DPAGT1: variants seen among roughly 807,000 people sequenced by gnomAD.
The protein encoded by DPAGT1 is UDP-N-acetylglucosamine--dolichyl-phosphate N-acetylglucosaminephosphotransferase.
A neutral mutation model predicts 39.3 loss-of-function variants in DPAGT1; 25 were observed. The ratio of observed to expected loss-of-function variants is 0.64; its 90% CI spans 0.46 to 0.89. The LOEUF (loss-of-function observed/expected upper bound fraction) is 0.89, where lower values mean the gene tolerates loss of function less well. Among genes scored for constraint, DPAGT1 ranks in the 40% least tolerant of loss-of-function variants. The pLI, the probability that DPAGT1 is intolerant of heterozygous loss-of-function variation, is 0.00. For synonymous variants in DPAGT1, 193 were observed against 201.4 expected, an observed-to-expected ratio of 0.96 and a Z score of 0.36; for missense variants, 381 against 500.6, an observed-to-expected ratio of 0.76 and a Z score of 2.28.
intron 5 of DPAGT1, 63 bp downstream of exon 5, chr11:119,098,340 A>C: frequency 6.5e-7 from 1 of 1,550,102 alleles, no homozygotes; most frequent in Non-Finnish European, 8.9e-7. Flanking sequence ...AAGGTGGGTT[A>C]TGATAAGGGC....
chr11:119,095,673 G>T (rs1230243934), downstream of DPAGT1, among the ~76,000 whole-genome samples: 1 of 152,166 alleles, frequency 6.6e-6, no homozygotes, highest in Non-Finnish European at 1.5e-5. Context: ...GGGGTAGCAC[G>T]CAGACTGCCA....
rs3831390 is a variant in DPAGT1 at position 119,098,249 on chromosome 11, TAG to T, written c.728+152_728+153del. 0.34 allele frequency: 368,106 copies of T among 1,097,398 alleles called. 66,361 individuals carry two copies. The highest frequency in any genetic ancestry group is 0.47 in the East Asian group (19,926 of 42,328). 68.0% of individuals were successfully genotyped at this position (1,097,398 alleles called of 1,614,324 possible). On this transcript the variant is annotated intron_variant, in intron 5 of 8. Transcript: ENST00000354202. ...GCACTCATCCCTAACTACTACTGGG[TAG>T]AGAGAAATTTCAGAATACGACCAAC...
chr11:119,095,985 C>T (rs186004456), downstream of DPAGT1, among the ~76,000 whole-genome samples: 4 of 151,936 alleles, frequency 2.6e-5, no homozygotes, highest in South Asian at 2.1e-4. Flanking sequence ...TTTAATAGAC[C>T]GGGTGTCACT....
rs1207751920 is a variant in DPAGT1 at position 119,098,032 on chromosome 11, C to T, written c.740G>A (p.Arg247Gln). The T allele has an allele frequency of 4.3e-6, 7 of 1,614,086 alleles. No individual in the cohort carries two copies. The highest frequency in any genetic ancestry group is 1.7e-5 in the Admixed American group (1 of 60,016). Residue 247 changes from arginine to glutamine, a missense_variant, in exon 6 of 9, where the codon CGG becomes CAG. Physicochemically the swap from Arg to Gln is conservative, Grantham distance 43 (BLOSUM62 1). Coordinates refer to ENST00000354202, the MANE Select transcript of DPAGT1 (RefSeq NM_001382.4). The part of the protein sequence containing the change: ...GLLYHNWYPS[R>Q]VFVGDTFCYF... ...ACAGAAGGTATCTCCCACAAACACCCGTGATGGGTACCTGTGTGGGGGAAG... is the reference window on the plus strand; with the variant it reads ...ACAGAAGGTATCTCCCACAAACACCTGTGATGGGTACCTGTGTGGGGGAAG...
In DPAGT1 at chr11:119,100,848, G is replaced by A. The variant is rs368462048; in HGVS notation, c.283-5C>T. ...GGCACCTATCAGGGCCACAAACTGG[G>A]GGAGGCTCGGGCAGGTCCATGACTC... On this transcript the variant is annotated splice_polypyrimidine_tract_variant and splice_region_variant and intron_variant, in intron 2 of 8. Coordinates refer to ENST00000354202, the MANE Select transcript of DPAGT1 (RefSeq NM_001382.4). 9.3e-6 allele frequency: 15 copies of A among 1,614,152 alleles called. No individual in the cohort carries two copies. The African/African-American group carries it at 1.7e-4, about 19-fold the overall frequency.
In DPAGT1 at chr11:119,096,769, T is replaced by C. The variant is rs1186090981; in HGVS notation, c.*229A>G. 1 of 599,012 alleles carries C rather than the reference T, an allele frequency of 1.7e-6. No homozygotes were observed. Among genetic ancestry groups the C allele is most frequent in the Non-Finnish European group, 3.0e-6 (1 of 338,652 alleles). 37.1% of individuals were successfully genotyped at this position (599,012 alleles called of 1,614,324 possible). A position where few individuals can be genotyped will look rare whatever the true frequency, so the allele number is the denominator to read the frequency against. The stretch of plus-strand genomic sequence containing the variant: ...AAAGATGGGATGGAGAGGGAGAGAG[T>C]AGCAAGTTGCAGAAAGCCATAGGTA... On this transcript the variant is annotated 3_prime_UTR_variant, in exon 9 of 9. Transcript: ENST00000354202.
Position 119,101,582 on chromosome 11 carries a change from G to C in DPAGT1, c.74C>G (p.Thr25Arg), listed in dbSNP as rs1012199803. Residue 25 changes from threonine (T) to arginine (R), a missense_variant, in exon 1 of 9, where the codon ACA (threonine) becomes AGA (arginine). Thr to Arg is a moderately conservative substitution (Grantham distance 71). Transcript: ENST00000354202. ...CCGGAAGGCCGGGATGAGGGTGACT[G>C]TGGCCACAAATCCCAGCAGCGAGAC... ...LIVSLLGFVATVTLIPAFRGH... is the reference protein window; with the variant it reads ...LIVSLLGFVARVTLIPAFRGH... 1 of 1,614,160 alleles carries C rather than the reference G, an allele frequency of 6.2e-7. No homozygotes were observed. The highest frequency in any genetic ancestry group is 1.3e-5 in the African/African-American group (1 of 74,958).
chr11:119,095,279 T>C (rs1269076772), downstream of DPAGT1: 2 of 1,612,802 alleles, frequency 1.2e-6, no homozygotes, highest in Non-Finnish European at 1.7e-6. Flanking sequence ...CTCGGCGTAG[T>C]GGCCCTTCCG....
Position 119,097,786 on chromosome 11 carries a change from G to GTT in DPAGT1, c.917+68_917+69insAA. On this transcript the variant is annotated intron_variant, in intron 6 of 8. Coordinates refer to ENST00000354202, the MANE Select transcript of DPAGT1 (RefSeq NM_001382.4). This position sits in a 1 kb window ranked among gnomAD's most constrained non-coding sequence, Gnocchi z 4.6. Reference sequence around the variant, plus strand: ...GGCCCACTCCCTTTGCACAGCAAATGTATAGGCTGGCATTAGATATCCCAA... The same window carrying GTT: ...GGCCCACTCCCTTTGCACAGCAAATGTTTATAGGCTGGCATTAGATATCCCAA... 6.3e-7 allele frequency: 1 copy of GTT among 1,599,438 alleles called. No homozygotes were observed. Among genetic ancestry groups the GTT allele is most frequent in the Non-Finnish European group, 8.6e-7 (1 of 1,167,634 alleles).
chr11:119,101,431 C>T, intron 1 of DPAGT1, 64 bp downstream of exon 1: 8 of 1,612,732 alleles, frequency 5.0e-6, no homozygotes, highest in Non-Finnish European at 6.8e-6. Flanking sequence ...CGGTTCCCGC[C>T]CCTGCCCTAG....
At chr11:119,100,207 C>A in intron 4 of DPAGT1, 55 bp downstream of exon 4, 1 of 1,612,936 alleles carries the variant, frequency 6.2e-7, no homozygotes, top group Non-Finnish European at 8.5e-7. Flanking sequence ...AGTCATATAT[C>A]AGGCCACACC....
chr11:119,095,805 C>A (rs1168681743), downstream of DPAGT1, among the ~76,000 whole-genome samples: 1 of 152,072 alleles, frequency 6.6e-6, no homozygotes, highest in Non-Finnish European at 1.5e-5. Flanking sequence ...TCTGGGAAAT[C>A]TGTGCCGGCG....
chr11:119,100,481 G>A lies in DPAGT1; in HGVS notation c.497-73C>T, dbSNP rs561049226. The A allele has an allele frequency of 8.7e-6, 14 of 1,609,350 alleles. No homozygotes were observed. In the East Asian group the frequency reaches 2.9e-4, roughly 33 times the overall value. On this transcript the variant is annotated intron_variant, in intron 3 of 8. Transcript: ENST00000354202. ...AGGATTTAAGAATTTTTAGAAAAGT[G>A]GTGAGGACGGACGATAGGATGAAGG...
At chr11:119,098,312 G>T in intron 5 of DPAGT1, 91 bp downstream of exon 5, 4 of 1,413,710 alleles carry the variant, frequency 2.8e-6, no homozygotes, top group Non-Finnish European at 4.0e-6. Flanking sequence ...GTATGCGCAG[G>T]TTTAGCTTCA....
rs1946404404 is a variant in DPAGT1, at chr11:119,096,964, G to C, written c.*34C>G. 2 of 1,612,870 alleles carry C rather than the reference G, an allele frequency of 1.2e-6. No homozygotes were observed. Among genetic ancestry groups the C allele is most frequent in the Non-Finnish European group, 1.7e-6 (2 of 1,179,294 alleles). ...AGGTCAGCCTGAGTCAGGAATCCTA[G>C]AGACTGTGAGGTAAAGGACAATGAT... On this transcript the variant is annotated 3_prime_UTR_variant, in exon 9 of 9. Transcript: ENST00000354202.
In DPAGT1 at chr11:119,097,832, A is replaced by G; in HGVS notation, c.917+23T>C. 1 of 1,613,804 alleles carries G rather than the reference A, an allele frequency of 6.2e-7. No homozygotes were observed. The highest frequency in any genetic ancestry group is 8.5e-7 in the Non-Finnish European group (1 of 1,179,780). Reference sequence around the variant, plus strand: ...CCCAAGTGAAAAGGCTATGATGTCCATTTCAAGCCAAAAAGCGGCTACCTG... The same window carrying G: ...CCCAAGTGAAAAGGCTATGATGTCCGTTTCAAGCCAAAAAGCGGCTACCTG... On this transcript the variant is annotated intron_variant, in intron 6 of 8. Coordinates refer to ENST00000354202, the MANE Select transcript of DPAGT1 (RefSeq NM_001382.4). This position sits in a 1 kb window ranked among gnomAD's most constrained non-coding sequence, Gnocchi z 4.6.
downstream of DPAGT1, chr11:119,094,818 G>A (rs1487201148): frequency 9.7e-6 from 8 of 828,264 alleles, no homozygotes; most frequent in African/African-American, 3.6e-5. Context: ...AGGCGGGCGA[G>A]GGGAGGGGAG....
chr11:119,097,008 T>G lies in DPAGT1; in HGVS notation c.1217A>C (p.Tyr406Ser). Residue 406 changes from tyrosine (Y) to serine (S), a missense_variant, in exon 9 of 9, where the codon TAT (tyrosine) becomes TCT (serine). Tyr to Ser is a moderately radical substitution (Grantham distance 144). Coordinates refer to ENST00000354202, the MANE Select transcript of DPAGT1 (RefSeq NM_001382.4). The surrounding 1 kb of genome is among the most constrained non-coding windows in gnomAD (Gnocchi z 4.6). ...CAATGATCAAGGGACTCAGACATCA[T>G]AGAAGAGTCGAACGAGCTGATATCG... ...SIRYQLVRLF[Y>S]DV The G allele has an allele frequency of 6.2e-7, 1 of 1,614,076 alleles. No homozygotes were observed. Among genetic ancestry groups the G allele is most frequent in the South Asian group, 1.1e-5 (1 of 91,082 alleles).
intron 4 of DPAGT1, among the ~76,000 whole-genome samples, chr11:119,099,378 C>T (rs1195305782): frequency 2.9e-5 from 4 of 137,186 alleles, no homozygotes; most frequent in Non-Finnish European, 1.5e-5. Context: ...GAGCCGAGAT[C>T]GCACCATTGT....
Sources: gnomAD v4.1 joint callset for allele counts (sites outside exome capture counted in the v4.1 genomes callset) on GRCh38, gnomAD v4.1.1 for gene constraint, Gnocchi (gnomAD v3.1) non-coding constraint, MANE v1.5 for transcripts, NCBI Gene and HGNC (gene_info 2026-07-23, HGNC 2026-07-21) for gene names.